The following RBM47 variants were observed in gnomAD, a reference collection of about 807,000 sequenced individuals.
RBM47 encodes RNA-binding protein 47.
Under a neutral mutation model 47.1 loss-of-function variants are expected in RBM47, and 21 were observed. The observed-to-expected ratio is 0.45, with a 90% confidence interval of 0.32 to 0.64. RBM47 has a LOEUF of 0.64. RBM47 is among the 30% of genes least tolerant of loss of function. RBM47 has a pLI of 0.05. For missense variants in RBM47, 708 were observed against 870.9 expected (o/e 0.81, Z 2.35); for synonymous variants, 375 against 361.7 (o/e 1.04, Z -0.42).
At chr4:40,540,932 A>C (rs184946275) in intron 2 of RBM47, among the ~76,000 whole-genome samples, 3 of 152,008 alleles carry the variant, frequency 2.0e-5, no homozygotes, top group Admixed American at 2.0e-4. Context: ...TTGTGAAATA[A>C]GCTCTATATA....
chr4:40,513,585 G>A (rs997394662), intron 2 of RBM47, among the ~76,000 whole-genome samples: 2 of 152,078 alleles, frequency 1.3e-5, no homozygotes, highest in African/African-American at 2.4e-5. Context: ...AGATTATAAA[G>A]ACTTAGTATT....
chr4:40,486,106 T>G (rs1721058462), intron 2 of RBM47, among the ~76,000 whole-genome samples: 1 of 142,164 alleles, frequency 7.0e-6, no homozygotes, highest in African/African-American at 2.7e-5. Context: ...AAGAGCTTAG[T>G]GTGAAGAGTT....
chr4:40,618,801 T>TC (rs1319645904), intron 1 of RBM47, among the ~76,000 whole-genome samples: 2 of 94,540 alleles, frequency 2.1e-5, no homozygotes, highest in African/African-American at 8.6e-5. Flanking sequence ...AGAGCGAGAC[T>TC]CCATCTCAAA....
intron 2 of RBM47, among the ~76,000 whole-genome samples, chr4:40,475,258 C>G (rs278964): frequency 2.0e-5 from 3 of 152,082 alleles, no homozygotes; most frequent in Admixed American, 2.0e-4. Context: ...TTAATTTTTC[C>G]TTATTTTAAT....
At chr4:40,468,891 TA>T (rs1718440601) in intron 2 of RBM47, among the ~76,000 whole-genome samples, 1 of 152,194 alleles carries the variant, frequency 6.6e-6, no homozygotes, top group South Asian at 2.1e-4. Context: ...TAGTGGTTGA[TA>T]AAAACTACGA....
intron 4 of RBM47, 76 bp downstream of exon 4, chr4:40,437,695 C>G: frequency 7.0e-7 from 1 of 1,420,522 alleles, no homozygotes; most frequent in Non-Finnish European, 9.6e-7. Context: ...AAATGCCAGC[C>G]ACGGTATCCC....
chr4:40,545,705 A>ATAAATAAAT (rs1728980013), intron 1 of RBM47, among the ~76,000 whole-genome samples: 1 of 151,640 alleles, frequency 6.6e-6, no homozygotes, highest in Non-Finnish European at 1.5e-5. Context: ...AAATAAATAA[A>ATAAATAAAT]AGAGAAAGAG....
intron 3 of RBM47, among the ~76,000 whole-genome samples, chr4:40,453,567 A>G (rs1462104562): frequency 1.3e-5 from 2 of 152,246 alleles, no homozygotes; most frequent in African/African-American, 4.8e-5. Context: ...ATTGATTAAG[A>G]TGATGAAGAT....
At chr4:40,616,188 C>T (rs1328421520) in intron 1 of RBM47, among the ~76,000 whole-genome samples, 1 of 152,120 alleles carries the variant, frequency 6.6e-6, no homozygotes, top group East Asian at 1.9e-4. Flanking sequence ...CCCGTCTCTA[C>T]TAAAAACACA....
intron 2 of RBM47, among the ~76,000 whole-genome samples, chr4:40,525,701 G>A (rs998113386): frequency 3.9e-5 from 6 of 152,166 alleles, no homozygotes; most frequent in African/African-American, 1.4e-4. Context: ...TGGTAACTAA[G>A]AAGAGGGGCA....
intron 1 of RBM47, among the ~76,000 whole-genome samples, chr4:40,573,617 C>T (rs1173346976): frequency 6.6e-6 from 1 of 151,754 alleles, no homozygotes; most frequent in African/African-American, 2.4e-5. Flanking sequence ...GTAGCATGTG[C>T]CTGTAGTCCC....
chr4:40,611,395 T>C (rs1165208434), intron 1 of RBM47, among the ~76,000 whole-genome samples: 3 of 152,152 alleles, frequency 2.0e-5, no homozygotes, highest in Non-Finnish European at 4.4e-5. Context: ...AATGAATAAA[T>C]GGCTGGAGTT....
intron 6 of RBM47, among the ~76,000 whole-genome samples, chr4:40,430,194 C>CA (rs899634374): frequency 7.0e-6 from 1 of 142,198 alleles, no homozygotes; most frequent in African/African-American, 2.7e-5. Flanking sequence ...GACACCGTCG[C>CA]AAAAAACAAA....
At chr4:40,543,334 T>C (rs1475822170) in intron 2 of RBM47, 2 of 152,132 alleles carry the variant, frequency 1.3e-5, no homozygotes, top group Non-Finnish European at 2.9e-5. Flanking sequence ...AGGGGAACCT[T>C]GGATAAGTGT....
At chr4:40,538,976 C>T (rs1054997249) in intron 2 of RBM47, among the ~76,000 whole-genome samples, 1 of 152,154 alleles carries the variant, frequency 6.6e-6, no homozygotes, top group Non-Finnish European at 1.5e-5. Flanking sequence ...CATTCTTAAA[C>T]TCTGCTGGGG....
intron 2 of RBM47, among the ~76,000 whole-genome samples, chr4:40,475,053 CAATT>C (rs1335805975): frequency 3.3e-5 from 5 of 152,046 alleles, no homozygotes; most frequent in African/African-American, 1.2e-4. Context: ...TATAACTAAA[CAATT>C]ATTTATAATG....
intron 1 of RBM47, among the ~76,000 whole-genome samples, chr4:40,616,686 T>C (rs185298839): frequency 6.6e-6 from 1 of 152,178 alleles, no homozygotes; most frequent in East Asian, 1.9e-4. Context: ...CCACATAATA[T>C]GCAGAAGAAA....
intron 5 of RBM47, among the ~76,000 whole-genome samples, chr4:40,434,703 CAAAAAAAAAAAAA>C (rs201921796): frequency 9.6e-6 from 1 of 103,732 alleles, no homozygotes; most frequent in African/African-American, 3.7e-5. Context: ...TTTACACAGG[CAAAAAAAAAAAAA>C]AAAAAAAAAA....
At position 40,583,021 on chromosome 4, in the gene RBM47, A is replaced by G. The variant is rs537502875; in HGVS notation, c.-239-38515T>C. On this transcript the variant is annotated intron_variant, in intron 1 of 6. Coordinates refer to ENST00000295971, the MANE Select transcript of RBM47 (RefSeq NM_001098634.2). ...ATACACACTCAAAAATCAAACTAGT[A>G]GAGTAAGTGGAATGTGCGAAGTACA... Among the ~76,000 whole-genome samples the G allele has an allele frequency of 2.7e-4, 41 of 152,338 alleles. 2 individuals are homozygous for G. In the South Asian group the frequency reaches 7.0e-3, roughly 26 times the overall value.
Sources: allele counts gnomAD v4.1 joint callset (sites outside exome capture counted in the v4.1 genomes callset), GRCh38; gene constraint gnomAD v4.1.1; transcripts MANE v1.5; gene names NCBI Gene and HGNC (gene_info 2026-07-23, HGNC 2026-07-21).